CFAP54: variants seen among roughly 807,000 people sequenced by gnomAD.
The protein encoded by CFAP54 is cilia- and flagella-associated protein 54.
In CFAP54, 290 loss-of-function variants were observed where a neutral mutation model predicts 370.4. The ratio of observed to expected loss-of-function variants is 0.78; its 90% CI spans 0.71 to 0.86. CFAP54 has a LOEUF of 0.86. Ranked by LOEUF, CFAP54 falls within the 40% of genes least tolerant of loss-of-function variation. The pLI is 0.00. For missense variants in CFAP54, 3,399 were observed against 3,528.7 expected (o/e 0.96, Z 0.93); for synonymous variants, 1,206 against 1,236.5 (o/e 0.98, Z 0.52).
chr12:96,656,771 A>G (rs1184460150), intron 36 of CFAP54, among the ~76,000 whole-genome samples: 2 of 152,262 alleles, frequency 1.3e-5, no homozygotes, highest in Non-Finnish European at 2.9e-5. Context: ...AGGCATAGGC[A>G]TGACTAACTG....
intron 66 of CFAP54, among the ~76,000 whole-genome samples, chr12:96,846,742 A>G (rs929209899): frequency 6.6e-6 from 1 of 152,172 alleles, no homozygotes; most frequent in Non-Finnish European, 1.5e-5. Context: ...GGAATAGGGT[A>G]TGAAGGGCTG....
Position 96,739,962 on chromosome 12 carries a change from A to C in CFAP54, c.6972A>C (p.Ala2324=). Residue 2324 remains alanine (A), a synonymous_variant, in exon 51 of 68, where the codon GCA becomes GCC. Coordinates refer to ENST00000524981, the MANE Select transcript of CFAP54 (RefSeq NM_001306084.2). ...AATATATTTTCTATTTTAGTGCTGC[A>C]ATAGTATTTTCTACACTTACACTTC... ...LQRHRAAYSA[A]IVFSTLTLLQ... 1 of 1,526,872 alleles carries C rather than the reference A, an allele frequency of 6.5e-7. No individual in the cohort carries two copies. The highest frequency in any genetic ancestry group is 9.0e-7 in the Non-Finnish European group (1 of 1,107,750). The allele number at this position is 1,526,872 out of a possible 1,614,324, so 94.6% of individuals were successfully genotyped here. A position where few individuals can be genotyped will look rare whatever the true frequency, so the allele number is the denominator to read the frequency against.
intron 5 of CFAP54, among the ~76,000 whole-genome samples, chr12:96,516,382 C>G (rs17315985): frequency 0.079 from 12,050 of 152,164 alleles, 624 homozygotes; most frequent in Middle Eastern, 0.12. Context: ...ATGACCCATT[C>G]TATTTTGGTT....
intron 49 of CFAP54, among the ~76,000 whole-genome samples, chr12:96,718,798 G>A (rs1490771607): frequency 6.6e-6 from 1 of 152,188 alleles, no homozygotes; most frequent in Non-Finnish European, 1.5e-5. Context: ...CAGCACTTTG[G>A]GAGGCCGAGG....
chr12:96,638,402 AT>A lies in CFAP54; in HGVS notation c.4317-5762del, dbSNP rs749678371. ...AGGCATGTACCACCACACCTGGCTA[AT>A]TTTTTTTTTTTTTAATTGTAGAGAT... On this transcript the variant is annotated intron_variant, in intron 32 of 67. Coordinates refer to ENST00000524981, the MANE Select transcript of CFAP54 (RefSeq NM_001306084.2). Among the ~76,000 whole-genome samples the A allele has an allele frequency of 7.0e-3, 994 of 141,914 alleles. 2 individuals are homozygous for A. Among genetic ancestry groups the A allele is most frequent in the Admixed American group, 8.6e-3 (122 of 14,180 alleles). The allele number at this position is 141,914 out of a possible 152,430, so 93.1% of individuals were successfully genotyped here. A position where few individuals can be genotyped will look rare whatever the true frequency, so the allele number is the denominator to read the frequency against.
intron 47 of CFAP54, among the ~76,000 whole-genome samples, chr12:96,708,133 C>G (rs1957565009): frequency 6.6e-6 from 1 of 151,962 alleles, no homozygotes; most frequent in Non-Finnish European, 1.5e-5. Context: ...AGGTGAGGAC[C>G]CAGGGAGTTG....
At chr12:96,719,895 GAT>G (rs1453106544) in intron 49 of CFAP54, among the ~76,000 whole-genome samples, 1 of 152,240 alleles carries the variant, frequency 6.6e-6, no homozygotes, top group Non-Finnish European at 1.5e-5. Context: ...ATGTGTGTTA[GAT>G]AAGCTTCCTT....
At chr12:96,664,732 T>TAG (rs1957050260) in intron 39 of CFAP54, among the ~76,000 whole-genome samples, 1 of 28,586 alleles carries the variant, frequency 3.5e-5, no homozygotes, top group South Asian at 6.6e-4. Flanking sequence ...TATCTATATA[T>TAG]ATATATCTAT....
At chr12:96,800,106 A>G (rs1291671488) in intron 63 of CFAP54, among the ~76,000 whole-genome samples, 1 of 152,226 alleles carries the variant, frequency 6.6e-6, no homozygotes, top group Non-Finnish European at 1.5e-5. Context: ...AAGAAAGCAT[A>G]AAGTTTATTT....
chr12:96,584,133 T>C (rs1242276213), intron 22 of CFAP54, among the ~76,000 whole-genome samples: 1 of 151,798 alleles, frequency 6.6e-6, no homozygotes, highest in African/African-American at 2.4e-5. Context: ...TTATTAATAA[T>C]GGTTTGTCTT....
chr12:96,859,821 A>T (rs1041021626), intron 66 of CFAP54, among the ~76,000 whole-genome samples: 1 of 152,182 alleles, frequency 6.6e-6, no homozygotes, highest in African/African-American at 2.4e-5. Flanking sequence ...TAATAATTCC[A>T]TTTTTTTAAA....
At chr12:96,494,516 G>A (rs752205601) in intron 1 of CFAP54, among the ~76,000 whole-genome samples, 18 of 151,810 alleles carry the variant, frequency 1.2e-4, no homozygotes, top group Non-Finnish European at 2.4e-4. Flanking sequence ...GGCCAGGCTG[G>A]TCTCAAACTC....
At chr12:96,561,820 G>A (rs1955820120) in intron 17 of CFAP54, among the ~76,000 whole-genome samples, 1 of 143,776 alleles carries the variant, frequency 7.0e-6, no homozygotes, top group Non-Finnish European at 1.5e-5. Flanking sequence ...TGTCACCCAG[G>A]CTGGAGTGGT....
intron 9 of CFAP54, among the ~76,000 whole-genome samples, chr12:96,530,865 C>T (rs1955434581): frequency 6.6e-6 from 1 of 152,162 alleles, no homozygotes; most frequent in African/African-American, 2.4e-5. Flanking sequence ...TTTATTTTAG[C>T]CATTCTGATA....
At chr12:96,642,084 GAAAA>G (rs1565925223) in intron 32 of CFAP54, among the ~76,000 whole-genome samples, 1 of 149,622 alleles carries the variant, frequency 6.7e-6, no homozygotes, top group African/African-American at 2.4e-5. Context: ...ATAAAAAAAA[GAAAA>G]GAATGGTATT....
chr12:96,810,675 C>T (rs983536202), intron 63 of CFAP54, among the ~76,000 whole-genome samples: 2 of 152,094 alleles, frequency 1.3e-5, no homozygotes, highest in Admixed American at 1.3e-4. Flanking sequence ...CAGACAATAG[C>T]TTGTGGGAAG....
intron 46 of CFAP54, among the ~76,000 whole-genome samples, 185 bp downstream of exon 46, chr12:96,700,278 T>C (rs554734786): frequency 1.1e-4 from 16 of 152,234 alleles, no homozygotes; most frequent in African/African-American, 3.9e-4. Flanking sequence ...AAGAGTGTCA[T>C]GGGGGAGGGA....
chr12:96,562,428 CTTT>C (rs200487420), intron 17 of CFAP54, among the ~76,000 whole-genome samples: 1 of 115,092 alleles, frequency 8.7e-6, no homozygotes. Context: ...TATTTGCATT[CTTT>C]TTTTTTTTTT....
chr12:96,674,341 T>TC (rs1308660009), intron 39 of CFAP54, among the ~76,000 whole-genome samples: 3 of 139,334 alleles, frequency 2.2e-5, no homozygotes, highest in Non-Finnish European at 4.5e-5. Flanking sequence ...TTTTTCTTTT[T>TC]TTTTTTTTTT....
Sources: allele counts gnomAD v4.1 joint callset (sites outside exome capture counted in the v4.1 genomes callset), GRCh38; gene constraint gnomAD v4.1.1; transcripts MANE v1.5; gene names NCBI Gene and HGNC (gene_info 2026-07-23, HGNC 2026-07-21).